EPM2A: variants seen among roughly 807,000 people sequenced by gnomAD.
EPM2A encodes laforin.
A neutral mutation model predicts 26.5 loss-of-function variants in EPM2A; 21 were observed. The observed-to-expected ratio is 0.79, with a 90% confidence interval of 0.56 to 1.14. EPM2A has a LOEUF of 1.14. Among genes scored for constraint, EPM2A ranks in the 50% most tolerant of loss-of-function variants. The probability of loss-of-function intolerance (pLI) is 0.00; values close to 1 mark genes in which losing one functional copy is unlikely to be tolerated. For missense variants in EPM2A, 458 were observed against 440.8 expected (o/e 1.04, Z -0.35); for synonymous variants, 217 against 177.6 (o/e 1.22, Z -1.76).
rs60283049 is a variant in EPM2A at position 145,626,488 on chromosome 6, G to A, written c.*928C>T. 757 of 985,778 alleles carry A rather than the reference G, an allele frequency of 7.7e-4. 3 individuals carry two copies. In the African/African-American group the frequency reaches 0.012, roughly 16 times the overall value. 61.1% of individuals were successfully genotyped at this position (985,778 alleles called of 1,614,324 possible). A position where few individuals can be genotyped will look rare whatever the true frequency, so the allele number is the denominator to read the frequency against. Reference sequence around the variant, plus strand: ...ATACAACTAATTTCCTAGATTCTTTGGCAACTGATCAGAATACTATTCTAT... The same window carrying A: ...ATACAACTAATTTCCTAGATTCTTTAGCAACTGATCAGAATACTATTCTAT... On this transcript the variant is annotated 3_prime_UTR_variant, in exon 4 of 4. Transcript: ENST00000367519.
chr6:145,732,201 TTGTGTGTGTGTGTGTG>T (rs66889564), intron 1 of EPM2A, among the ~76,000 whole-genome samples: 2 of 138,546 alleles, frequency 1.4e-5, no homozygotes, highest in South Asian at 2.4e-4. Flanking sequence ...CAGCTAAGAC[TTGTGTGTGTGTGTGTG>T]TGTGTGTGTG....
intron 2 of EPM2A, among the ~76,000 whole-genome samples, chr6:145,532,970 T>C (rs1780381746): frequency 1.3e-5 from 2 of 152,158 alleles, no homozygotes. Context: ...AGATGTATAT[T>C]TTCAGCCTTA....
intron 2 of EPM2A, among the ~76,000 whole-genome samples, chr6:145,613,483 A>C (rs1775438923): frequency 6.6e-6 from 1 of 152,208 alleles, no homozygotes; most frequent in South Asian, 2.1e-4. Context: ...CTTTTCAAGA[A>C]GATTTTCAAT....
intron 4 of EPM2A, among the ~76,000 whole-genome samples, chr6:145,492,641 G>A (rs1255087016): frequency 6.6e-6 from 1 of 152,198 alleles, no homozygotes; most frequent in Non-Finnish European, 1.5e-5. Context: ...GGCTCTCAGA[G>A]GGAAGGTGAA....
At chr6:145,404,581 C>T (rs1183284241) in intron 4 of EPM2A, among the ~76,000 whole-genome samples, 1 of 152,078 alleles carries the variant, frequency 6.6e-6, no homozygotes, top group African/African-American at 2.4e-5. Context: ...GATTACTTTG[C>T]ACTTCGTTTC....
chr6:145,528,426 T>C (rs1238703905), intron 2 of EPM2A, among the ~76,000 whole-genome samples: 1 of 152,158 alleles, frequency 6.6e-6, no homozygotes, highest in African/African-American at 2.4e-5. Context: ...TTGGTGATTT[T>C]GAATTGAAAA....
At chr6:145,439,769 C>T (rs530848927) in intron 4 of EPM2A, among the ~76,000 whole-genome samples, 23 of 152,206 alleles carry the variant, frequency 1.5e-4, no homozygotes, top group African/African-American at 5.5e-4. Flanking sequence ...CTGTAGGTTG[C>T]CTGTTTACTC....
At chr6:145,651,485 T>A (rs750772433) in intron 2 of EPM2A, among the ~76,000 whole-genome samples, 1 of 152,212 alleles carries the variant, frequency 6.6e-6, no homozygotes, top group Admixed American at 6.5e-5. Flanking sequence ...CCTGTTTCTA[T>A]CAATGTAAAG....
At chr6:145,642,802 C>T (rs1777187352) in intron 2 of EPM2A, among the ~76,000 whole-genome samples, 1 of 151,956 alleles carries the variant, frequency 6.6e-6, no homozygotes, top group Non-Finnish European at 1.5e-5. Flanking sequence ...GTGTGGTGAA[C>T]AAGGAAGAAT....
chr6:145,663,827 C>T (rs1187290886), intron 2 of EPM2A, among the ~76,000 whole-genome samples: 3 of 101,390 alleles, frequency 3.0e-5, no homozygotes, highest in Admixed American at 2.4e-4. Context: ...CGGCAGAAAC[C>T]CTACAAGCCA....
intron 2 of EPM2A, among the ~76,000 whole-genome samples, chr6:145,516,679 G>T (rs422540): frequency 0.45 from 68,306 of 151,936 alleles, 15,404 homozygotes; most frequent in South Asian, 0.58. Flanking sequence ...TATGGCCAGA[G>T]AAATGAAAGC....
chr6:145,444,077 C>T lies in EPM2A; in HGVS notation c.555+58445G>A, dbSNP rs9497305. On this transcript the variant is annotated intron_variant, in intron 4 of 4. Transcript: ENST00000638717. The stretch of plus-strand genomic sequence containing the variant: ...GCACAGGAATCGTTTGACTCCCTCT[C>T]TTCCTATTTAGATGTCTTTTATTAT... Among the ~76,000 whole-genome samples the T allele has an allele frequency of 8.1e-3, 1,237 of 152,288 alleles. 19 individuals are homozygous for T. Among genetic ancestry groups the T allele is most frequent in the African/African-American group, 0.028 (1,178 of 41,574 alleles).
At chr6:145,567,937 C>T (rs766908138) in intron 2 of EPM2A, among the ~76,000 whole-genome samples, 7 of 152,172 alleles carry the variant, frequency 4.6e-5, no homozygotes, top group Non-Finnish European at 1.0e-4. Flanking sequence ...TCCTCCAGTA[C>T]AGGCTGAGTG....
chr6:145,406,013 CAACAGA>C (rs1408454600), intron 4 of EPM2A, among the ~76,000 whole-genome samples: 2 of 144,910 alleles, frequency 1.4e-5, no homozygotes, highest in African/African-American at 2.5e-5. Context: ...CACACACACA[CAACAGA>C]CAGACACACA....
intron 2 of EPM2A, among the ~76,000 whole-genome samples, chr6:145,651,146 T>C (rs1445711216): frequency 1.3e-5 from 2 of 152,224 alleles, no homozygotes; most frequent in African/African-American, 4.8e-5. Flanking sequence ...CTGCAAACCT[T>C]ATCTCTTATA....
intron 1 of EPM2A, among the ~76,000 whole-genome samples, chr6:145,690,424 G>GGC (rs1464275608): frequency 7.4e-4 from 111 of 150,158 alleles, no homozygotes; most frequent in African/African-American, 2.5e-3. Flanking sequence ...GCAGGAGAAT[G>GGC]GCGTGAACCC....
intron 2 of EPM2A, among the ~76,000 whole-genome samples, chr6:145,600,917 C>A (rs770614965): frequency 6.6e-5 from 10 of 152,222 alleles, no homozygotes; most frequent in Non-Finnish European, 1.2e-4. Context: ...AGCACTTTAA[C>A]AAAGTCTCCA....
chr6:145,489,257 T>C (rs1779724648), intron 4 of EPM2A, among the ~76,000 whole-genome samples: 1 of 152,190 alleles, frequency 6.6e-6, no homozygotes, highest in Non-Finnish European at 1.5e-5. Context: ...CATAAACTTG[T>C]ATTCTAATGA....
chr6:145,593,649 T>A (rs573969210), intron 2 of EPM2A, among the ~76,000 whole-genome samples: 3 of 152,078 alleles, frequency 2.0e-5, no homozygotes, highest in African/African-American at 7.2e-5. Context: ...TCCCAAATAT[T>A]GAAAGACTAA....
Sources: gnomAD v4.1 joint callset for allele counts (sites outside exome capture counted in the v4.1 genomes callset) on GRCh38, gnomAD v4.1.1 for gene constraint, MANE v1.5 for transcripts, NCBI Gene and HGNC (gene_info 2026-07-23, HGNC 2026-07-21) for gene names.